RASGEF1C: variants seen among roughly 807,000 people sequenced by gnomAD.
RASGEF1C encodes the protein ras-GEF domain-containing family member 1C.
Under a neutral mutation model 58.1 loss-of-function variants are expected in RASGEF1C, and 27 were observed. The ratio of observed to expected loss-of-function variants is 0.46; its 90% CI spans 0.34 to 0.64. The LOEUF (loss-of-function observed/expected upper bound fraction) is 0.64. RASGEF1C is among the 30% of genes least tolerant of loss of function. The pLI is 0.01. For missense variants in RASGEF1C, 502 were observed against 605.1 expected (o/e 0.83, Z 1.79); for synonymous variants, 243 against 246.3 (o/e 0.99, Z 0.13).
In RASGEF1C at chr5:180,143,260, C is replaced by A. The variant is rs1766610520; in HGVS notation, c.-6-5202G>T. 1.3e-5 allele frequency among the ~76,000 whole-genome samples: 2 copies of A among 152,224 alleles called. No homozygotes were observed. Among genetic ancestry groups the A allele is most frequent in the Admixed American group, 1.3e-4 (2 of 15,284 alleles). The stretch of plus-strand genomic sequence containing the variant: ...TCCTTCTGGAGGCCTCACTGACAGG[C>A]TCAGGGCCCACCCTGCTCCAGGCCG... On this transcript the variant is annotated intron_variant, in intron 1 of 13. Coordinates refer to ENST00000361132, the MANE Select transcript of RASGEF1C (RefSeq NM_175062.4). This position sits in a 1 kb window ranked among gnomAD's most constrained non-coding sequence, Gnocchi z 4.3.
intron 1 of RASGEF1C, among the ~76,000 whole-genome samples, chr5:180,159,629 C>T (rs182587085): frequency 1.2e-4 from 18 of 152,280 alleles, no homozygotes; most frequent in East Asian, 3.9e-4. Flanking sequence ...GATGGGGCTG[C>T]GGACAAGCTC....
chr5:180,133,274 C>T (rs1766400765), intron 4 of RASGEF1C, among the ~76,000 whole-genome samples: 1 of 152,222 alleles, frequency 6.6e-6, no homozygotes, highest in Non-Finnish European at 1.5e-5. Flanking sequence ...ATGGCCTCCT[C>T]AGTCCCTCTC....
chr5:180,149,033 C>T (rs11743747), intron 1 of RASGEF1C, among the ~76,000 whole-genome samples: 20,854 of 151,466 alleles, frequency 0.14, 1,673 homozygotes, highest in Middle Eastern at 0.19. Flanking sequence ...ATACATCAAC[C>T]GATTGCCTTC....
intron 1 of RASGEF1C, among the ~76,000 whole-genome samples, chr5:180,207,370 G>A (rs753441014): frequency 6.6e-6 from 1 of 152,246 alleles, no homozygotes. Context: ...AAGGCCTAGA[G>A]GCGGCGAGTG....
intron 1 of RASGEF1C, among the ~76,000 whole-genome samples, chr5:180,188,280 A>G (rs1270038825): frequency 6.6e-6 from 1 of 152,242 alleles, no homozygotes; most frequent in Admixed American, 6.5e-5. Context: ...CAGAATAGGT[A>G]CATACACAGG....
Position 180,114,555 on chromosome 5 carries a change from G to A in RASGEF1C, c.1084-14C>T, listed in dbSNP as rs1173391570. 6.2e-7 allele frequency: 1 copy of A among 1,604,358 alleles called. No homozygotes were observed. Among genetic ancestry groups the A allele is most frequent in the South Asian group, 1.1e-5 (1 of 90,282 alleles). The stretch of plus-strand genomic sequence containing the variant: ...AGGAATGACAATCTGGAAGAAAGAG[G>A]GGGCAGGTCGGCCCCAGCCGGCCCT... On this transcript the variant is annotated splice_polypyrimidine_tract_variant and intron_variant, in intron 10 of 13. Transcript: ENST00000361132.
chr5:180,154,116 G>A (rs942428372), intron 1 of RASGEF1C, among the ~76,000 whole-genome samples: 4 of 152,220 alleles, frequency 2.6e-5, no homozygotes, highest in African/African-American at 7.2e-5. Flanking sequence ...GCGCCCAGAA[G>A]CTCCGAGAAG....
At chr5:180,123,047 CT>C (rs1766201405) in intron 6 of RASGEF1C, among the ~76,000 whole-genome samples, 1 of 152,130 alleles carries the variant, frequency 6.6e-6, no homozygotes, top group South Asian at 2.1e-4. Context: ...AAAAATATAT[CT>C]GATAAATATT....
chr5:180,173,030 C>G (rs1767138215), intron 1 of RASGEF1C, among the ~76,000 whole-genome samples: 1 of 152,250 alleles, frequency 6.6e-6, no homozygotes, highest in African/African-American at 2.4e-5. Flanking sequence ...CCTTCTGTCC[C>G]CTGGCAGGAC....
chr5:180,148,451 T>C (rs1312304884), intron 1 of RASGEF1C, among the ~76,000 whole-genome samples: 1 of 152,158 alleles, frequency 6.6e-6, no homozygotes, highest in African/African-American at 2.4e-5. Context: ...GTGTTCTTTT[T>C]TTGTGGTGAA....
In RASGEF1C at chr5:180,209,141, C is replaced by T. The variant is rs1222849088; in HGVS notation, c.-120G>A. On this transcript the variant is annotated 5_prime_UTR_variant, in exon 1 of 14. Coordinates refer to ENST00000361132, the MANE Select transcript of RASGEF1C (RefSeq NM_175062.4). The stretch of plus-strand genomic sequence containing the variant: ...GCCGCCGCCGCCGCCGCCGCCGCCG[C>T]CGCCGCCGCCCGACCGCCCGGCTCC... The T allele has an allele frequency of 9.7e-6, 1 of 103,216 alleles. No homozygotes were observed. The highest frequency in any genetic ancestry group is 2.2e-5 in the Non-Finnish European group (1 of 46,462). The allele number at this position is 103,216 out of a possible 1,614,324, so 6.4% of individuals were successfully genotyped here.
chr5:180,193,709 T>G (rs1287644858), intron 1 of RASGEF1C, among the ~76,000 whole-genome samples: 3 of 152,210 alleles, frequency 2.0e-5, no homozygotes. Context: ...CTTTCCAGAT[T>G]TGAACAAACC....
intron 1 of RASGEF1C, among the ~76,000 whole-genome samples, chr5:180,153,026 T>C (rs1387457146): frequency 6.6e-6 from 1 of 152,026 alleles, no homozygotes; most frequent in Non-Finnish European, 1.5e-5. Flanking sequence ...CCCAGGGAAA[T>C]TGCAGTACCT....
chr5:180,139,723 G>A (rs1045792931), intron 1 of RASGEF1C, among the ~76,000 whole-genome samples: 1 of 152,204 alleles, frequency 6.6e-6, no homozygotes, highest in Non-Finnish European at 1.5e-5. Flanking sequence ...TGAGCAGGTG[G>A]GCATGCAGGA....
chr5:180,134,920 A>C (rs936879767), intron 4 of RASGEF1C, among the ~76,000 whole-genome samples: 1 of 10,556 alleles, frequency 9.5e-5, no homozygotes, highest in Non-Finnish European at 1.8e-4. Context: ...ACATCCACTT[A>C]CCCCATGCAT....
chr5:180,134,298 A>G (rs1362866323), intron 4 of RASGEF1C, among the ~76,000 whole-genome samples: 1 of 151,964 alleles, frequency 6.6e-6, no homozygotes, highest in Non-Finnish European at 1.5e-5. Context: ...CTCCTATTCC[A>G]GTCCACACTA....
chr5:180,127,254 A>T (rs955824217), intron 6 of RASGEF1C, among the ~76,000 whole-genome samples: 1 of 151,970 alleles, frequency 6.6e-6, no homozygotes, highest in Non-Finnish European at 1.5e-5. Flanking sequence ...CGCACCGGGA[A>T]GGCGCACGGG....
intron 1 of RASGEF1C, among the ~76,000 whole-genome samples, chr5:180,160,818 T>A (rs908354352): frequency 5.3e-5 from 8 of 152,080 alleles, no homozygotes; most frequent in Non-Finnish European, 1.2e-4. Context: ...GTATATAAAC[T>A]CATAAATGCG....
intron 1 of RASGEF1C, among the ~76,000 whole-genome samples, chr5:180,140,675 A>G (rs1309167863): frequency 6.6e-6 from 1 of 152,088 alleles, no homozygotes; most frequent in African/African-American, 2.4e-5. Context: ...ACAGCTGGGG[A>G]CACAGAGGAC....
Sources: allele counts gnomAD v4.1 joint callset (sites outside exome capture counted in the v4.1 genomes callset), GRCh38; gene constraint gnomAD v4.1.1; non-coding constraint Gnocchi (gnomAD v3.1); transcripts MANE v1.5; gene names NCBI Gene and HGNC (gene_info 2026-07-23, HGNC 2026-07-21).